The following TBX1 variants were observed in gnomAD, a reference collection of about 807,000 sequenced individuals.
TBX1 encodes T-box transcription factor TBX1.
In TBX1, 16 loss-of-function variants were observed where a neutral mutation model predicts 40.8. The ratio of observed to expected loss-of-function variants is 0.39; its 90% CI spans 0.27 to 0.60. The LOEUF (loss-of-function observed/expected upper bound fraction) is 0.60, where lower values mean the gene tolerates loss of function less well. TBX1 is among the 20% of genes least tolerant of loss of function. The pLI, the probability that TBX1 is intolerant of heterozygous loss-of-function variation, is 0.51. For synonymous variants in TBX1, 403 were observed against 336.8 expected (o/e 1.20, Z -2.15); for missense variants, 755 against 728.5 (o/e 1.04, Z -0.42).
chr22:19,777,982 A>T lies in TBX1; in HGVS notation c.1010-1238A>T, dbSNP rs143241071. Among the ~76,000 whole-genome samples, 182 of 151,726 alleles carry T rather than the reference A, an allele frequency of 1.2e-3. 2 individuals are homozygous for T. In the East Asian group the frequency reaches 0.028, roughly 24 times the overall value. On this transcript the variant is annotated intron_variant, in intron 8 of 8. Transcript: ENST00000329705. ...GCCATGTTGCTCAGGCTGGTCTCGAACTCCTGAGCTCAAGTGATCCTCTTG... is the reference window on the plus strand; with the variant it reads ...GCCATGTTGCTCAGGCTGGTCTCGATCTCCTGAGCTCAAGTGATCCTCTTG...
chr22:19,761,798 T>G (rs2145829817), intron 1 of TBX1, among the ~76,000 whole-genome samples: 1 of 152,354 alleles, frequency 6.6e-6, no homozygotes. Flanking sequence ...AAAAACAGCG[T>G]GCACTGTTGC....
upstream of TBX1, among the ~76,000 whole-genome samples, chr22:19,758,402 C>T (rs1025514583): frequency 8.5e-5 from 13 of 152,174 alleles, no homozygotes; most frequent in African/African-American, 2.7e-4. Context: ...GCCATGGGTG[C>T]GCTGAACTGG....
chr22:19,763,187 C>G, intron 1 of TBX1, 54 bp from the exon 2 acceptor site: 1 of 1,506,238 alleles, frequency 6.6e-7, no homozygotes, highest in Non-Finnish European at 9.2e-7. Context: ...CCAGGCAGGT[C>G]AAGGGGGGCT....
intron 8 of TBX1, among the ~76,000 whole-genome samples, chr22:19,776,156 CAGT>C (rs1257728205): frequency 6.6e-6 from 1 of 152,158 alleles, no homozygotes; most frequent in Admixed American, 6.5e-5. Flanking sequence ...CAGGGACAGG[CAGT>C]GCTGTGGCCC....
At chr22:19,770,339 G>A (rs1936968347), downstream of TBX1, among the ~76,000 whole-genome samples, 1 of 152,218 alleles carries the variant, frequency 6.6e-6, no homozygotes, top group Non-Finnish European at 1.5e-5. Flanking sequence ...AAGGGTTCTA[G>A]GACCCCAGGG....
chr22:19,764,208 C>T lies in TBX1; in HGVS notation c.593C>T (p.Thr198Met). 1.9e-6 allele frequency: 3 copies of T among 1,612,930 alleles called. No individual in the cohort carries two copies. The highest frequency in any genetic ancestry group is 1.1e-5 in the South Asian group (1 of 91,076). ...WLVAGKADPA[T>M]PGRVHYHPDS... Reference sequence around the variant, plus strand: ...GTGGCGGGGAAGGCCGACCCTGCCACGCCAGGCCGCGTGCACTACCACCCG... The same window carrying T: ...GTGGCGGGGAAGGCCGACCCTGCCATGCCAGGCCGCGTGCACTACCACCCG... The change falls in exon 3 of 7, where the codon ACG becomes ATG. Residue 198 changes from threonine to methionine, a missense_variant. This residue lies in a region of TBX1 where 144 missense variants were observed against 238.0 expected (regional missense o/e 0.61). Coordinates refer to ENST00000649276, the MANE Select transcript of TBX1 (RefSeq NM_001379200.1).
intron 1 of TBX1, 46 bp from the exon 2 acceptor site, chr22:19,763,195 G>C (rs765304112): frequency 3.5e-5 from 54 of 1,548,974 alleles, no homozygotes; most frequent in Admixed American, 5.0e-5. Context: ...GTCAAGGGGG[G>C]CTGCCTTCCA....
chr22:19,780,509 ATTC>A (rs2145852736), downstream of TBX1, among the ~76,000 whole-genome samples: 1 of 152,266 alleles, frequency 6.6e-6, no homozygotes, highest in East Asian at 1.9e-4. Flanking sequence ...TTGTTGATTC[ATTC>A]TTCTGTCAAT....
downstream of TBX1, among the ~76,000 whole-genome samples, chr22:19,769,849 G>A (rs2238775): frequency 0.52 from 79,606 of 152,196 alleles, 21,365 homozygotes; most frequent in African/African-American, 0.62. Flanking sequence ...CCAGAACTGG[G>A]AGAAATAACT....
chr22:19,771,586 A>G (rs1267110710), downstream of TBX1, among the ~76,000 whole-genome samples: 1 of 152,228 alleles, frequency 6.6e-6, no homozygotes, highest in Non-Finnish European at 1.5e-5. Context: ...TTTCAATTGC[A>G]CAAAGTAAGC....
intron 1 of TBX1, among the ~76,000 whole-genome samples, chr22:19,762,853 T>A (rs929738074): frequency 6.6e-6 from 1 of 152,142 alleles, no homozygotes; most frequent in Non-Finnish European, 1.5e-5. Flanking sequence ...GCTGCTTCGA[T>A]CAAGCTGGGG....
intron 6 of TBX1, 105 bp downstream of exon 6, chr22:19,766,107 T>C (rs574045885): frequency 1.1e-5 from 11 of 1,028,004 alleles, no homozygotes; most frequent in South Asian, 4.1e-5. Flanking sequence ...CTCCAGGCTT[T>C]CGCGCCGGTT....
downstream of TBX1, among the ~76,000 whole-genome samples, chr22:19,767,504 G>C (rs13058730): frequency 1 from 152,272 of 152,274 alleles, 76,135 homozygotes; most frequent in Middle Eastern, 1. Flanking sequence ...CCTGCCCTCT[G>C]CCCGCCCCAT....
chr22:19,779,198 A>C, intron 8 of TBX1: 1 of 1,614,014 alleles, frequency 6.2e-7, no homozygotes, highest in Non-Finnish European at 8.5e-7. Flanking sequence ...ATCCACTCTC[A>C]TTGGATGGGG....
At chr22:19,760,039 G>A (rs913731298), upstream of TBX1, among the ~76,000 whole-genome samples, 7 of 152,122 alleles carry the variant, frequency 4.6e-5, no homozygotes, top group Non-Finnish European at 7.4e-5. Flanking sequence ...AAGCCGTGGA[G>A]ACGAAATTGA....
chr22:19,759,550 G>C, upstream of TBX1: 1 of 1,567,530 alleles, frequency 6.4e-7, no homozygotes, highest in South Asian at 1.2e-5. Flanking sequence ...TCGCCTCTCT[G>C]GTTGCAGCGG....
chr22:19,766,696 C>T lies in TBX1; in HGVS notation c.1344C>T (p.Pro448=), dbSNP rs573980571. The change falls in exon 7 of 7, where the codon CCC becomes CCT. Residue 448 remains proline, a synonymous_variant. Coordinates refer to ENST00000649276, the MANE Select transcript of TBX1 (RefSeq NM_001379200.1). ...GCCGGCCGGCGCCCTACCCGCTGCCCGGCCTGCGTGGCCACGGCTACCACC... is the reference window on the plus strand; with the variant it reads ...GCCGGCCGGCGCCCTACCCGCTGCCTGGCCTGCGTGGCCACGGCTACCACC... ...AKSRPAPYPL[P]GLRGHGYHPH... 8.4e-6 allele frequency: 13 copies of T among 1,547,296 alleles called. No homozygotes were observed. The highest frequency in any genetic ancestry group is 3.5e-5 in the South Asian group (3 of 86,232).
At chr22:19,757,776 C>T (rs1247059937), upstream of TBX1, among the ~76,000 whole-genome samples, 2 of 152,222 alleles carry the variant, frequency 1.3e-5, no homozygotes, top group Non-Finnish European at 2.9e-5. Context: ...TGGTCCATCC[C>T]CACACAGCAC....
chr22:19,781,859 G>C (rs1937145777), downstream of TBX1, among the ~76,000 whole-genome samples: 1 of 152,218 alleles, frequency 6.6e-6, no homozygotes, highest in Non-Finnish European at 1.5e-5. Context: ...GCAGTGGCAT[G>C]TACCTATAGT....
Sources: gnomAD v4.1 joint callset for allele counts (sites outside exome capture counted in the v4.1 genomes callset) on GRCh38, gnomAD v4.1.1 for gene constraint, gnomAD v4.1.1 regional missense constraint, MANE v1.5 for transcripts, NCBI Gene and HGNC (gene_info 2026-07-23, HGNC 2026-07-21) for gene names.